Variants in TRIM2 observed in about 807,000 individuals in gnomAD.
TRIM2 encodes tripartite motif-containing protein 2.
TRIM2 carries 20 observed loss-of-function variants against 75.2 expected under a neutral mutation model. The observed-to-expected ratio is 0.27, with a 90% CI of 0.19 to 0.39. The LOEUF is 0.39. Among genes scored for constraint, TRIM2 ranks in the 10% least tolerant of loss-of-function variants. The probability of loss-of-function intolerance (pLI) is 1.00; values close to 1 mark genes in which losing one functional copy is unlikely to be tolerated. For missense variants in TRIM2, 660 were observed against 990.8 expected (o/e 0.67, Z 4.48); for synonymous variants, 373 against 388.3 (o/e 0.96, Z 0.46).
At chr4:153,176,513 T>C (rs1427839907) in intron 1 of TRIM2, among the ~76,000 whole-genome samples, 1 of 151,896 alleles carries the variant, frequency 6.6e-6, no homozygotes, top group Admixed American at 6.6e-5. Context: ...TAAATCTAAG[T>C]CAAGAGTATA....
intron 1 of TRIM2, among the ~76,000 whole-genome samples, chr4:153,212,806 C>G (rs771499282): frequency 1.5e-4 from 23 of 152,138 alleles, no homozygotes; most frequent in Non-Finnish European, 2.5e-4. Flanking sequence ...ATTCCCTTTT[C>G]TTTTTTCTCT....
chr4:153,236,690 CTTTCT>C (rs1745136983), intron 1 of TRIM2, among the ~76,000 whole-genome samples: 2 of 115,162 alleles, frequency 1.7e-5, no homozygotes, highest in Admixed American at 1.8e-4. Flanking sequence ...TTTCTTTTTC[CTTTCT>C]TTTCTTTTCT....
chr4:153,247,677 CAAAAAAA>C lies in TRIM2; in HGVS notation c.31-22640_31-22634del, dbSNP rs1183914263. Among the ~76,000 whole-genome samples the C allele has an allele frequency of 2.5e-4, 20 of 79,546 alleles. No individual in the cohort carries two copies. In the East Asian group the frequency reaches 9.2e-3, roughly 36 times the overall value. The allele number at this position is 79,546 out of a possible 152,430, so 52.2% of individuals were successfully genotyped here. On this transcript the variant is annotated intron_variant, in intron 1 of 11. Transcript: ENST00000338700. The stretch of plus-strand genomic sequence containing the variant: ...TGGGAAACAGAGTGAGACTCTGTCT[CAAAAAAA>C]AAAAAAAAAAAAAAAAACTGTATAG...
rs1772519542 is a variant in TRIM2, at chr4:153,336,923, G to C, written c.*1957G>C. The C allele has an allele frequency of 3.0e-6, 3 of 984,690 alleles. No homozygotes were observed. Among genetic ancestry groups the C allele is most frequent in the Middle Eastern group, 5.2e-4 (1 of 1,910 alleles). The allele number at this position is 984,690 out of a possible 1,614,324, so 61.0% of individuals were successfully genotyped here. A position where few individuals can be genotyped will look rare whatever the true frequency, so the allele number is the denominator to read the frequency against. On this transcript the variant is annotated 3_prime_UTR_variant, in exon 12 of 12. Transcript: ENST00000338700. ...ATAACTTTTTAGAATGTTAAATGAA[G>C]ACACTGTTTCCTAACATCAGTGAGA...
intron 1 of TRIM2, chr4:153,257,492 T>C: frequency 7.8e-7 from 1 of 1,277,646 alleles, no homozygotes; most frequent in Non-Finnish European, 1.0e-6. Context: ...TCCTGCCGAC[T>C]TCCAGCCTTC....
chr4:153,268,599 C>T (rs1202527786), intron 1 of TRIM2, among the ~76,000 whole-genome samples: 2 of 152,176 alleles, frequency 1.3e-5, no homozygotes, highest in African/African-American at 4.8e-5. Flanking sequence ...AATTAGAGGG[C>T]TCTGGACACC....
At chr4:153,197,672 G>T (rs536217815) in intron 1 of TRIM2, among the ~76,000 whole-genome samples, 20 of 152,236 alleles carry the variant, frequency 1.3e-4, no homozygotes, top group Non-Finnish European at 2.4e-4. Flanking sequence ...AGGAGTTCGA[G>T]ACCAGCCTGG....
intron 6 of TRIM2, chr4:153,308,270 AC>A: frequency 6.4e-7 from 1 of 1,551,636 alleles, no homozygotes; most frequent in Non-Finnish European, 8.9e-7. Context: ...TGCAGAAGTC[AC>A]CAGATGTGTC....
chr4:153,259,975 A>G (rs778973309), intron 1 of TRIM2, among the ~76,000 whole-genome samples: 2 of 152,136 alleles, frequency 1.3e-5, no homozygotes, highest in Non-Finnish European at 2.9e-5. Flanking sequence ...CTATTTTTCC[A>G]TTAAGTGCTT....
intron 6 of TRIM2, among the ~76,000 whole-genome samples, chr4:153,304,263 A>C (rs957513730): frequency 6.6e-6 from 1 of 151,946 alleles, no homozygotes; most frequent in Non-Finnish European, 1.5e-5. Flanking sequence ...ACAGGCGTGC[A>C]CCACCACACC....
At chr4:153,307,104 A>T (rs1765174599) in intron 6 of TRIM2, among the ~76,000 whole-genome samples, 3 of 152,222 alleles carry the variant, frequency 2.0e-5, no homozygotes, top group Non-Finnish European at 4.4e-5. Context: ...ACAATCCTGA[A>T]TGAGTTTAGA....
At chr4:153,165,384 G>A (rs1248920592) in intron 1 of TRIM2, among the ~76,000 whole-genome samples, 1 of 152,040 alleles carries the variant, frequency 6.6e-6, no homozygotes, top group African/African-American at 2.4e-5. Flanking sequence ...AGGCTGGAGT[G>A]TAGTGGCATG....
At position 153,337,989 on chromosome 4, in the gene TRIM2, C is replaced by T; in HGVS notation, c.*3023C>T. 1 of 985,766 alleles carries T rather than the reference C, an allele frequency of 1.0e-6. No individual in the cohort carries two copies. Among genetic ancestry groups the T allele is most frequent in the African/African-American group, 1.7e-5 (1 of 57,332 alleles). The allele number at this position is 985,766 out of a possible 1,614,324, so 61.1% of individuals were successfully genotyped here. A position where few individuals can be genotyped will look rare whatever the true frequency, so the allele number is the denominator to read the frequency against. The stretch of plus-strand genomic sequence containing the variant: ...CTACAAGTCCTTTATGACTGTTTGC[C>T]ATTTTTTTTAATGGTACTTAGTATT... On this transcript the variant is annotated 3_prime_UTR_variant, in exon 12 of 12. Coordinates refer to ENST00000338700, the MANE Select transcript of TRIM2 (RefSeq NM_015271.5).
intron 8 of TRIM2, among the ~76,000 whole-genome samples, chr4:153,318,767 G>A (rs1266870625): frequency 6.6e-6 from 1 of 152,154 alleles, no homozygotes; most frequent in East Asian, 1.9e-4. Flanking sequence ...AGGAAGAAGG[G>A]CTCTCTAAGC....
At chr4:153,298,349 GA>G (rs963794951) in intron 6 of TRIM2, among the ~76,000 whole-genome samples, 44 of 152,286 alleles carry the variant, frequency 2.9e-4, no homozygotes, top group African/African-American at 1.0e-3. Flanking sequence ...TTTAGAGTTA[GA>G]AGTCCAAAAT....
At chr4:153,234,202 C>T (rs1354038037) in intron 1 of TRIM2, among the ~76,000 whole-genome samples, 1 of 152,152 alleles carries the variant, frequency 6.6e-6, no homozygotes, top group Non-Finnish European at 1.5e-5. Flanking sequence ...GAATTCTCAT[C>T]ATTTTATGCT....
intron 6 of TRIM2, among the ~76,000 whole-genome samples, chr4:153,297,949 T>C (rs746946014): frequency 2.4e-4 from 36 of 152,214 alleles, no homozygotes; most frequent in Non-Finnish European, 2.5e-4. Context: ...TTACTCTTGT[T>C]ATTCATCATC....
intron 1 of TRIM2, among the ~76,000 whole-genome samples, chr4:153,269,060 G>A (rs911264389): frequency 6.6e-6 from 1 of 152,108 alleles, no homozygotes; most frequent in Admixed American, 6.5e-5. Flanking sequence ...TAGCATGTAG[G>A]GGAGGAAAAA....
At chr4:153,204,971 A>G (rs1273228710) in intron 1 of TRIM2, among the ~76,000 whole-genome samples, 1 of 152,212 alleles carries the variant, frequency 6.6e-6, no homozygotes, top group African/African-American at 2.4e-5. Context: ...CCCATTTGAA[A>G]GGACCTAATA....
Sources: gnomAD v4.1 joint callset for allele counts (sites outside exome capture counted in the v4.1 genomes callset) on GRCh38, gnomAD v4.1.1 for gene constraint, MANE v1.5 for transcripts, NCBI Gene and HGNC (gene_info 2026-07-23, HGNC 2026-07-21) for gene names.